The following CTNND2 variants were observed in gnomAD, a reference collection of about 807,000 sequenced individuals.
CTNND2 encodes the protein catenin delta 2.
In CTNND2, 22 loss-of-function variants were observed where a neutral mutation model predicts 144.4. The observed-to-expected ratio is 0.15, with a 90% CI of 0.11 to 0.22. CTNND2 has a LOEUF of 0.22. Ranked by LOEUF, CTNND2 falls within the 10% of genes least tolerant of loss-of-function variation. The pLI is 1.00. For synonymous variants in CTNND2, 751 were observed against 695.6 expected, an observed-to-expected ratio of 1.08 and a Z score of -1.25; for missense variants, 1,353 against 1,618.8, an observed-to-expected ratio of 0.84 and a Z score of 2.82.
At chr5:11,209,691 G>C in intron 10 of CTNND2, among the ~76,000 whole-genome samples, 1 of 152,166 alleles carries the variant, frequency 6.6e-6, no homozygotes. Flanking sequence ...CAGAGGCCGA[G>C]GTGGGCAGAT....
In CTNND2 at chr5:11,375,851, G is replaced by A. The variant is rs142835754; in HGVS notation, c.1177+8814C>T. Among the ~76,000 whole-genome samples, 18 of 152,268 alleles carry A rather than the reference G, an allele frequency of 1.2e-4. 1 individual carries two copies. The highest frequency in any genetic ancestry group is 6.8e-3 in the Middle Eastern group (2 of 294). ...AAAAGCTACCAAGTTGGGGGAAAGG[G>A]GACTGTTTTTCGTCATGTGAATAAC... On this transcript the variant is annotated intron_variant, in intron 7 of 21. Coordinates refer to ENST00000304623, the MANE Select transcript of CTNND2 (RefSeq NM_001332.4).
At chr5:11,396,116 A>AT (rs1760103779) in intron 6 of CTNND2, among the ~76,000 whole-genome samples, 1 of 152,196 alleles carries the variant, frequency 6.6e-6, no homozygotes, top group Non-Finnish European at 1.5e-5. Context: ...TGCCCAATAA[A>AT]TGCAAAAGGG....
At chr5:11,533,815 C>T (rs187419767) in intron 3 of CTNND2, among the ~76,000 whole-genome samples, 160 of 152,274 alleles carry the variant, frequency 1.1e-3, no homozygotes, top group African/African-American at 3.7e-3. Flanking sequence ...CCTGAGATTC[C>T]GCATGTCTAA....
At chr5:11,454,900 C>CT (rs35643009) in intron 3 of CTNND2, among the ~76,000 whole-genome samples, 29 of 142,684 alleles carry the variant, frequency 2.0e-4, no homozygotes, top group South Asian at 6.8e-4. Flanking sequence ...CCGCGCCTGG[C>CT]TTTTTTTTTT....
At chr5:11,518,331 C>A (rs1772381649) in intron 3 of CTNND2, among the ~76,000 whole-genome samples, 1 of 151,884 alleles carries the variant, frequency 6.6e-6, no homozygotes, top group Non-Finnish European at 1.5e-5. Flanking sequence ...TACAGCTGTA[C>A]AATTTGTGTT....
At chr5:11,782,080 G>C (rs1790568626) in intron 1 of CTNND2, among the ~76,000 whole-genome samples, 1 of 152,176 alleles carries the variant, frequency 6.6e-6, no homozygotes, top group African/African-American at 2.4e-5. Flanking sequence ...GAGAGCTGAT[G>C]TTTGTACAAA....
chr5:11,654,966 T>C (rs1002878219), intron 2 of CTNND2, among the ~76,000 whole-genome samples: 2 of 152,080 alleles, frequency 1.3e-5, no homozygotes, highest in Non-Finnish European at 2.9e-5. Flanking sequence ...GAAAAGATGT[T>C]TCATGGTGAG....
intron 14 of CTNND2, among the ~76,000 whole-genome samples, chr5:11,107,276 T>C (rs371059074): frequency 6.6e-6 from 1 of 152,370 alleles, no homozygotes; most frequent in East Asian, 1.9e-4. Context: ...TAGATATTTA[T>C]CATTAATATC....
chr5:11,434,773 G>C (rs184697716), intron 3 of CTNND2, among the ~76,000 whole-genome samples: 1 of 152,268 alleles, frequency 6.6e-6, no homozygotes, highest in Admixed American at 6.5e-5. Flanking sequence ...TTAAATGTTA[G>C]AAAAGGAATG....
chr5:11,825,827 T>G (rs1793573266), intron 1 of CTNND2, among the ~76,000 whole-genome samples: 1 of 152,012 alleles, frequency 6.6e-6, no homozygotes, highest in Non-Finnish European at 1.5e-5. Context: ...ATAACAACGA[T>G]GCAACACTTT....
chr5:11,485,879 A>G (rs967633504), intron 3 of CTNND2, among the ~76,000 whole-genome samples: 1 of 152,222 alleles, frequency 6.6e-6, no homozygotes, highest in Non-Finnish European at 1.5e-5. Flanking sequence ...TGCAAAAGGC[A>G]AAAGTTATAA....
At chr5:11,382,595 C>CTCTGTGTGTGTGTGTGTGTGTGTG (rs1554046368) in intron 7 of CTNND2, among the ~76,000 whole-genome samples, 1 of 130,148 alleles carries the variant, frequency 7.7e-6, no homozygotes, top group African/African-American at 3.0e-5. Context: ...GAGTGAGACT[C>CTCTGTGTGTGTGTGTGTGTGTGTG]TGTGTGTGTG....
At chr5:11,048,552 A>G (rs964557809) in intron 16 of CTNND2, among the ~76,000 whole-genome samples, 3 of 152,094 alleles carry the variant, frequency 2.0e-5, no homozygotes, top group African/African-American at 7.2e-5. Context: ...GCAACCATCC[A>G]CCCCATGGAT....
chr5:11,547,117 A>G (rs1775307170), intron 3 of CTNND2, among the ~76,000 whole-genome samples: 1 of 151,964 alleles, frequency 6.6e-6, no homozygotes, highest in Non-Finnish European at 1.5e-5. Flanking sequence ...AAAAATACAA[A>G]AATTAGCGGG....
intron 11 of CTNND2, among the ~76,000 whole-genome samples, chr5:11,173,251 T>G (rs1291827303): frequency 6.6e-6 from 1 of 152,214 alleles, no homozygotes; most frequent in Non-Finnish European, 1.5e-5. Flanking sequence ...GAGAGAGAGC[T>G]GGGGAATGTT....
At chr5:11,135,483 G>C (rs1756037783) in intron 12 of CTNND2, among the ~76,000 whole-genome samples, 1 of 152,200 alleles carries the variant, frequency 6.6e-6, no homozygotes, top group Non-Finnish European at 1.5e-5. Context: ...CACATGCAGA[G>C]AGAGGATCCT....
At chr5:11,760,819 T>C (rs962499895) in intron 1 of CTNND2, among the ~76,000 whole-genome samples, 21 of 152,262 alleles carry the variant, frequency 1.4e-4, no homozygotes, top group African/African-American at 4.8e-4. Context: ...TGATTCTCTA[T>C]TTTAAATGAC....
At chr5:11,666,037 A>C (rs922201358) in intron 2 of CTNND2, among the ~76,000 whole-genome samples, 3 of 152,208 alleles carry the variant, frequency 2.0e-5, no homozygotes, top group African/African-American at 7.2e-5. Flanking sequence ...ATGATTATTA[A>C]ATTTTTTAAA....
chr5:11,803,559 G>A (rs1020040446), intron 1 of CTNND2, among the ~76,000 whole-genome samples: 2 of 152,270 alleles, frequency 1.3e-5, no homozygotes, highest in East Asian at 1.9e-4. Flanking sequence ...AACTGAAGAT[G>A]AGAAAAAGAG....
Sources: gnomAD v4.1 joint callset for allele counts (sites outside exome capture counted in the v4.1 genomes callset) on GRCh38, gnomAD v4.1.1 for gene constraint, MANE v1.5 for transcripts, NCBI Gene and HGNC (gene_info 2026-07-23, HGNC 2026-07-21) for gene names.